TBC1D22A: variants seen among roughly 807,000 people sequenced by gnomAD.
TBC1D22A encodes the protein TBC1 domain family member 22A.
In TBC1D22A, 38 loss-of-function variants were observed where a neutral mutation model predicts 60.2. That is an observed-to-expected ratio of 0.63 (90% CI 0.49 to 0.83). The LOEUF (loss-of-function observed/expected upper bound fraction) is 0.83. TBC1D22A is among the 40% of genes least tolerant of loss of function. TBC1D22A has a pLI of 0.00. For missense variants in TBC1D22A, 628 were observed against 701.0 expected, an observed-to-expected ratio of 0.90 and a Z score of 1.18; for synonymous variants, 302 against 281.7, an observed-to-expected ratio of 1.07 and a Z score of -0.72.
At chr22:46,948,678 G>A (rs571680607) in intron 8 of TBC1D22A, among the ~76,000 whole-genome samples, 14 of 152,330 alleles carry the variant, frequency 9.2e-5, no homozygotes, top group African/African-American at 2.6e-4. Context: ...CTTTGTCCCC[G>A]TGGGGCAGAA....
At chr22:46,934,323 T>C (rs2071522052) in intron 8 of TBC1D22A, among the ~76,000 whole-genome samples, 1 of 152,250 alleles carries the variant, frequency 6.6e-6, no homozygotes, top group African/African-American at 2.4e-5. Context: ...TTTGGAGTCC[T>C]GGAAACCTCG....
chr22:47,060,361 C>G (rs2063530689), intron 11 of TBC1D22A, among the ~76,000 whole-genome samples: 1 of 151,852 alleles, frequency 6.6e-6, no homozygotes, highest in South Asian at 2.1e-4. Context: ...TCTGCCTCAG[C>G]CTCCCAAGTA....
intron 11 of TBC1D22A, among the ~76,000 whole-genome samples, chr22:47,084,826 C>T (rs2064611598): frequency 6.6e-6 from 1 of 152,160 alleles, no homozygotes; most frequent in African/African-American, 2.4e-5. Context: ...ATGATAAATG[C>T]ACAATTAAGG....
intron 5 of TBC1D22A, among the ~76,000 whole-genome samples, chr22:46,887,871 G>C (rs1207212306): frequency 6.6e-6 from 1 of 152,210 alleles, no homozygotes; most frequent in Admixed American, 6.5e-5. Context: ...GTGTTAACAT[G>C]AGTGTGCCTG....
intron 2 of TBC1D22A, chr22:46,792,819 G>C: frequency 6.9e-7 from 1 of 1,442,848 alleles, no homozygotes; most frequent in Non-Finnish European, 9.1e-7. Flanking sequence ...GGGAGCCCTG[G>C]GGAGAGCCAG....
intron 5 of TBC1D22A, among the ~76,000 whole-genome samples, chr22:46,885,525 G>A (rs909656219): frequency 1.1e-4 from 17 of 152,352 alleles, no homozygotes; most frequent in African/African-American, 4.1e-4. Flanking sequence ...AGAAAAAGAA[G>A]TAATCTTATG....
intron 8 of TBC1D22A, among the ~76,000 whole-genome samples, chr22:46,973,328 G>T (rs558423345): frequency 6.6e-6 from 1 of 152,190 alleles, no homozygotes; most frequent in Non-Finnish European, 1.5e-5. Flanking sequence ...CTGTTGTCCG[G>T]GGCTCAAGGG....
intron 12 of TBC1D22A, among the ~76,000 whole-genome samples, chr22:47,164,848 A>G (rs907057882): frequency 2.6e-5 from 4 of 152,162 alleles, no homozygotes; most frequent in African/African-American, 9.7e-5. Context: ...CATGTTGAAT[A>G]TGGATTCAGA....
chr22:47,039,190 A>G (rs1028840042), intron 11 of TBC1D22A, among the ~76,000 whole-genome samples: 1 of 152,146 alleles, frequency 6.6e-6, no homozygotes, highest in African/African-American at 2.4e-5. Flanking sequence ...TGGCATCTTT[A>G]TTGAGTTAAT....
At chr22:46,780,806 G>A (rs567152801) in intron 1 of TBC1D22A, among the ~76,000 whole-genome samples, 8 of 152,346 alleles carry the variant, frequency 5.3e-5, no homozygotes, top group East Asian at 3.9e-4. Context: ...GAAACATAAC[G>A]CAGCGTAGTC....
rs6008021 is a variant in TBC1D22A, at chr22:47,010,767, A to G, written c.1201+13058A>G. On this transcript the variant is annotated intron_variant, in intron 10 of 12. Coordinates refer to ENST00000337137, the MANE Select transcript of TBC1D22A (RefSeq NM_014346.5). Reference sequence around the variant, plus strand: ...GTCAAGCTGATTTAATGTGCTTTCCATTGAAACTCTAAATGGATATTTTGT... The same window carrying G: ...GTCAAGCTGATTTAATGTGCTTTCCGTTGAAACTCTAAATGGATATTTTGT... Among the ~76,000 whole-genome samples, 1,222 of 152,318 alleles carry G rather than the reference A, an allele frequency of 8.0e-3. 22 individuals are homozygous for G. The highest frequency in any genetic ancestry group is 0.028 in the African/African-American group (1,165 of 41,562).
At chr22:46,795,246 G>A (rs921823765) in intron 3 of TBC1D22A, among the ~76,000 whole-genome samples, 2 of 152,228 alleles carry the variant, frequency 1.3e-5, no homozygotes, top group Middle Eastern at 3.2e-3. Context: ...TGTGGCAGTC[G>A]GAGTTGGCAG....
intron 10 of TBC1D22A, among the ~76,000 whole-genome samples, chr22:47,023,643 A>C (rs905433204): frequency 2.6e-5 from 4 of 152,244 alleles, no homozygotes; most frequent in African/African-American, 9.6e-5. Flanking sequence ...GCATGACAAC[A>C]GCAGTCTCAT....
At chr22:47,156,011 A>G (rs547016712) in intron 12 of TBC1D22A, among the ~76,000 whole-genome samples, 6 of 152,124 alleles carry the variant, frequency 3.9e-5, no homozygotes, top group African/African-American at 1.4e-4. Flanking sequence ...TATGTGTGAC[A>G]CCGGGTTCAT....
chr22:46,788,887 T>C (rs571441415), intron 1 of TBC1D22A: 1 of 152,272 alleles, frequency 6.6e-6, no homozygotes, highest in Non-Finnish European at 1.5e-5. Flanking sequence ...GGGTTTCCAA[T>C]CTTCCTCTGT....
intron 9 of TBC1D22A, among the ~76,000 whole-genome samples, chr22:46,985,029 C>T (rs2074669684): frequency 6.6e-6 from 1 of 152,170 alleles, no homozygotes; most frequent in Non-Finnish European, 1.5e-5. Flanking sequence ...GGGGGAGCCT[C>T]CGCCATGAGT....
intron 4 of TBC1D22A, among the ~76,000 whole-genome samples, chr22:46,836,293 AAATT>A (rs2086516481): frequency 6.6e-6 from 1 of 152,262 alleles, no homozygotes; most frequent in Non-Finnish European, 1.5e-5. Context: ...ACAAAGATGT[AAATT>A]AATTATGGTA....
In TBC1D22A at chr22:47,099,470, A is replaced by T. The variant is rs990373417; in HGVS notation, c.1330-12038A>T. Among the ~76,000 whole-genome samples the T allele has an allele frequency of 3.4e-5, 5 of 146,116 alleles. No individual in the cohort carries two copies. In the East Asian group the frequency reaches 1.0e-3, roughly 29 times the overall value. ...TTGTTGTTTTTTTTTTTTGAAACGGAGTTTCGCTCTTGTTGCCCAGGCTGG... is the reference window on the plus strand; with the variant it reads ...TTGTTGTTTTTTTTTTTTGAAACGGTGTTTCGCTCTTGTTGCCCAGGCTGG... On this transcript the variant is annotated intron_variant, in intron 11 of 12. Coordinates refer to ENST00000337137, the MANE Select transcript of TBC1D22A (RefSeq NM_014346.5).
intron 11 of TBC1D22A, among the ~76,000 whole-genome samples, chr22:47,051,937 G>C (rs1396027776): frequency 6.6e-6 from 1 of 152,242 alleles, no homozygotes; most frequent in Non-Finnish European, 1.5e-5. Flanking sequence ...CAGAAGCAGA[G>C]TGCATTGCCA....
Sources: allele counts gnomAD v4.1 joint callset (sites outside exome capture counted in the v4.1 genomes callset), GRCh38; gene constraint gnomAD v4.1.1; transcripts MANE v1.5; gene names NCBI Gene and HGNC (gene_info 2026-07-23, HGNC 2026-07-21).